Variants in AP2B1 observed in about 807,000 individuals in gnomAD.
The protein encoded by AP2B1 is adaptor related protein complex 2 subunit beta 1, also known as AP-2 complex subunit beta.
AP2B1 carries 23 observed loss-of-function variants against 102.0 expected under a neutral mutation model. The ratio of observed to expected loss-of-function variants is 0.23; its 90% CI spans 0.16 to 0.32. The LOEUF (loss-of-function observed/expected upper bound fraction) is 0.32. Among genes scored for constraint, AP2B1 ranks in the 10% least tolerant of loss-of-function variants. The pLI is 1.00. For missense variants in AP2B1, 541 were observed against 1,157.4 expected (o/e 0.47, Z 7.73); for synonymous variants, 381 against 421.2 (o/e 0.90, Z 1.17).
At chr17:35,634,959 A>G (rs975356865) in intron 9 of AP2B1, among the ~76,000 whole-genome samples, 1 of 152,080 alleles carries the variant, frequency 6.6e-6, no homozygotes. Context: ...TGGCCATCCA[A>G]GATGGGTGTG....
intron 2 of AP2B1, among the ~76,000 whole-genome samples, chr17:35,597,346 T>G (rs969928274): frequency 6.6e-6 from 1 of 152,232 alleles, no homozygotes. Context: ...CTTTCTTTTT[T>G]ATTTTGGTTC....
At chr17:35,600,158 T>C (rs1180401613) in intron 3 of AP2B1, among the ~76,000 whole-genome samples, 1 of 152,028 alleles carries the variant, frequency 6.6e-6, no homozygotes, top group Non-Finnish European at 1.5e-5. Flanking sequence ...CTTGGCTCAC[T>C]GCAACCTCCG....
intron 5 of AP2B1, among the ~76,000 whole-genome samples, chr17:35,622,758 G>T (rs867148977): frequency 5.9e-5 from 9 of 152,098 alleles, no homozygotes; most frequent in African/African-American, 2.2e-4. Flanking sequence ...TTCACCTCCC[G>T]GGTTCAAGCA....
intron 6 of AP2B1, among the ~76,000 whole-genome samples, chr17:35,624,834 G>A (rs183157929): frequency 1.0e-3 from 152 of 152,204 alleles, no homozygotes; most frequent in Non-Finnish European, 1.3e-3. Context: ...ATCGTCTTAC[G>A]TCTCCCATGC....
At chr17:35,624,761 A>G (rs1253245269) in intron 6 of AP2B1, among the ~76,000 whole-genome samples, 174 bp downstream of exon 6, 2 of 152,206 alleles carry the variant, frequency 1.3e-5, no homozygotes, top group South Asian at 2.1e-4. Context: ...AGAATAAACT[A>G]TGCAAAACTA....
At chr17:35,680,606 A>C (rs766019699) in intron 17 of AP2B1, among the ~76,000 whole-genome samples, 2 of 151,464 alleles carry the variant, frequency 1.3e-5, no homozygotes, top group Non-Finnish European at 2.9e-5. Flanking sequence ...GCTGGGCTCA[A>C]GTGATCCACT....
chr17:35,608,850 T>C (rs1363299900), intron 5 of AP2B1, among the ~76,000 whole-genome samples: 1 of 152,248 alleles, frequency 6.6e-6, no homozygotes, highest in African/African-American at 2.4e-5. Flanking sequence ...TTGGTTATGT[T>C]GTAAATGTTT....
At chr17:35,654,955 A>T (rs905381756) in intron 13 of AP2B1, among the ~76,000 whole-genome samples, 1 of 152,166 alleles carries the variant, frequency 6.6e-6, no homozygotes, top group Non-Finnish European at 1.5e-5. Flanking sequence ...GCTAGCGGTG[A>T]TGTTTTTGGT....
chr17:35,717,289 C>G lies in AP2B1; in HGVS notation c.2721C>G (p.Leu907=). 6.2e-7 allele frequency: 1 copy of G among 1,614,170 alleles called. No individual in the cohort carries two copies. Among genetic ancestry groups the G allele is most frequent in the South Asian group, 1.1e-5 (1 of 91,076 alleles). ...GQDMLYQSLK[L]TNGIWILAEL... is the part of the protein sequence containing the mutation. ...ACATGCTGTACCAATCCCTGAAGCT[C>G]ACTAATGGCATTTGGATTTTGGCCG... The change falls in exon 21 of 22, where the codon CTC becomes CTG. Residue 907 remains leucine (L), a synonymous_variant. Coordinates refer to ENST00000610402, the MANE Select transcript of AP2B1 (RefSeq NM_001030006.2).
intron 14 of AP2B1, among the ~76,000 whole-genome samples, chr17:35,664,006 A>G (rs992030155): frequency 1.3e-5 from 2 of 152,144 alleles, no homozygotes; most frequent in African/African-American, 2.4e-5. Flanking sequence ...TAGTCCTCCC[A>G]CCTCAGCCTC....
At chr17:35,609,269 T>G (rs1158801529) in intron 5 of AP2B1, among the ~76,000 whole-genome samples, 1 of 151,994 alleles carries the variant, frequency 6.6e-6, no homozygotes. Flanking sequence ...ACTGTAACTT[T>G]GAACTCCTGG....
intron 18 of AP2B1, among the ~76,000 whole-genome samples, chr17:35,698,263 C>T (rs2076178119): frequency 6.6e-6 from 1 of 152,010 alleles, no homozygotes; most frequent in African/African-American, 2.4e-5. Context: ...ATGAACCACC[C>T]AGCTGCACTG....
chr17:35,709,326 T>C lies in AP2B1; in HGVS notation c.2539+18T>C, dbSNP rs1355303648. ...CAAAATGGGTAAGTACCTTCCTGCC[T>C]GTCCTGCTGAATATACCTTTGCCCT... On this transcript the variant is annotated intron_variant, in intron 19 of 21. Transcript: ENST00000610402. 3 of 1,600,920 alleles carry C rather than the reference T, an allele frequency of 1.9e-6. No individual in the cohort carries two copies. The highest frequency in any genetic ancestry group is 2.7e-5 in the African/African-American group (2 of 74,648).
At chr17:35,652,180 G>A (rs977195527) in intron 13 of AP2B1, among the ~76,000 whole-genome samples, 3 of 152,040 alleles carry the variant, frequency 2.0e-5, no homozygotes, top group African/African-American at 4.8e-5. Flanking sequence ...TTCTTTTGTG[G>A]TTCCTTTTTG....
intron 5 of AP2B1, among the ~76,000 whole-genome samples, chr17:35,610,098 C>T (rs1486356638): frequency 6.6e-6 from 1 of 151,966 alleles, no homozygotes; most frequent in Non-Finnish European, 1.5e-5. Context: ...GAAGATTCAA[C>T]CCTGCCTTTT....
intron 10 of AP2B1, among the ~76,000 whole-genome samples, chr17:35,637,628 T>C (rs1052561276): frequency 3.3e-5 from 5 of 152,308 alleles, no homozygotes; most frequent in East Asian, 1.9e-4. Flanking sequence ...GAAATAGTTA[T>C]TTTGGAAAGA....
intron 13 of AP2B1, among the ~76,000 whole-genome samples, chr17:35,655,594 C>A (rs570041141): frequency 6.6e-6 from 1 of 152,076 alleles, no homozygotes; most frequent in South Asian, 2.1e-4. Context: ...TTTGTGGCTG[C>A]TGTGAATATT....
intron 9 of AP2B1, 23 bp from the exon 10 acceptor site, chr17:35,636,318 A>G: frequency 8.2e-6 from 13 of 1,575,844 alleles, no homozygotes; most frequent in Non-Finnish European, 1.1e-5. Flanking sequence ...CTGACTTCTC[A>G]TTTTTTGTAT....
At chr17:35,620,589 A>G (rs1402517878) in intron 5 of AP2B1, among the ~76,000 whole-genome samples, 1 of 152,078 alleles carries the variant, frequency 6.6e-6, no homozygotes, top group East Asian at 1.9e-4. Flanking sequence ...CCAAACTGGG[A>G]GGATTATTTG....
Sources: gnomAD v4.1 joint callset for allele counts (sites outside exome capture counted in the v4.1 genomes callset) on GRCh38, gnomAD v4.1.1 for gene constraint, MANE v1.5 for transcripts, NCBI Gene and HGNC (gene_info 2026-07-23, HGNC 2026-07-21) for gene names.